Variants in LPP observed in about 807,000 individuals in gnomAD.
The protein encoded by LPP is LIM domain containing preferred translocation partner in lipoma.
In LPP, 38 loss-of-function variants were observed where a neutral mutation model predicts 60.4. The ratio of observed to expected loss-of-function variants is 0.63; its 90% CI spans 0.49 to 0.83. The LOEUF is 0.83. Among genes scored for constraint, LPP ranks in the 40% least tolerant of loss-of-function variants. The probability of loss-of-function intolerance (pLI) is 0.00; values close to 1 mark genes in which losing one functional copy is unlikely to be tolerated. For synonymous variants in LPP, 328 were observed against 290.8 expected (o/e 1.13, Z -1.30); for missense variants, 902 against 783.6 (o/e 1.15, Z -1.80).
At chr3:188,672,597 T>G (rs1259202891) in intron 7 of LPP, among the ~76,000 whole-genome samples, 1 of 152,208 alleles carries the variant, frequency 6.6e-6, no homozygotes, top group Non-Finnish European at 1.5e-5. Context: ...TGTTTCTATT[T>G]GCTGCTACCA....
At position 188,879,462 on chromosome 3, in the gene LPP, T is replaced by C; in HGVS notation, c.*4983T>C. 4.8e-6 allele frequency: 1 copy of C among 207,002 alleles called. No homozygotes were observed. Among genetic ancestry groups the C allele is most frequent in the East Asian group, 7.4e-5 (1 of 13,602 alleles). 12.8% of individuals were successfully genotyped at this position (207,002 alleles called of 1,614,324 possible). Reference sequence around the variant, plus strand: ...AATCTTCTTTTATAGGGGCATATTTTTTAGGTTGTATTTATTCGTAAAGTG... The same window carrying C: ...AATCTTCTTTTATAGGGGCATATTTCTTAGGTTGTATTTATTCGTAAAGTG... On this transcript the variant is annotated 3_prime_UTR_variant, in exon 12 of 12. Transcript: ENST00000617246.
At chr3:188,685,976 C>T (rs1003829078) in intron 7 of LPP, among the ~76,000 whole-genome samples, 1 of 152,094 alleles carries the variant, frequency 6.6e-6, no homozygotes, top group Non-Finnish European at 1.5e-5. Flanking sequence ...GTAGTCAAGG[C>T]GCTTCCCTGG....
intron 8 of LPP, among the ~76,000 whole-genome samples, chr3:188,753,369 C>A (rs550270119): frequency 6.6e-6 from 1 of 152,264 alleles, no homozygotes; most frequent in Non-Finnish European, 1.5e-5. Flanking sequence ...TGGGACTCCC[C>A]CTCCTAATTT....
chr3:188,879,379 G>T lies in LPP; in HGVS notation c.*4900G>T, dbSNP rs946224089. 4.6e-6 allele frequency: 1 copy of T among 217,408 alleles called. No homozygotes were observed. Among genetic ancestry groups the T allele is most frequent in the Non-Finnish European group, 9.2e-6 (1 of 108,184 alleles). 13.5% of individuals were successfully genotyped at this position (217,408 alleles called of 1,614,324 possible). Reference sequence around the variant, plus strand: ...TAAATCAATGCATTATGATTTTAGGGAATTATGATTATATTCATAAGGGGA... The same window carrying T: ...TAAATCAATGCATTATGATTTTAGGTAATTATGATTATATTCATAAGGGGA... On this transcript the variant is annotated 3_prime_UTR_variant, in exon 12 of 12. Coordinates refer to ENST00000617246, the MANE Select transcript of LPP (RefSeq NM_001375462.1).
chr3:188,639,249 A>G (rs1057509716), intron 7 of LPP, among the ~76,000 whole-genome samples: 1 of 151,964 alleles, frequency 6.6e-6, no homozygotes, highest in African/African-American at 2.4e-5. Flanking sequence ...AAACCTGAGA[A>G]AAACAAGCAA....
chr3:188,593,506 T>A (rs879794448), intron 6 of LPP, among the ~76,000 whole-genome samples: 11 of 152,202 alleles, frequency 7.2e-5, no homozygotes, highest in Non-Finnish European at 1.6e-4. Context: ...TAGTAAGTTC[T>A]TTAACGGACA....
chr3:188,355,462 T>C (rs1359395862), intron 3 of LPP, among the ~76,000 whole-genome samples: 1 of 152,136 alleles, frequency 6.6e-6, no homozygotes, highest in African/African-American at 2.4e-5. Flanking sequence ...TTTATAGACT[T>C]TCTGAGAAAT....
chr3:188,286,619 A>G (rs1404416268), intron 2 of LPP, among the ~76,000 whole-genome samples: 1 of 152,208 alleles, frequency 6.6e-6, no homozygotes, highest in East Asian at 1.9e-4. Context: ...TCTGAAATTT[A>G]AAATGGGCAT....
chr3:188,804,318 A>G (rs1219344328), intron 9 of LPP, among the ~76,000 whole-genome samples: 1 of 140,134 alleles, frequency 7.1e-6, no homozygotes, highest in Non-Finnish European at 1.5e-5. Context: ...AAAAGAATGG[A>G]ATCATGTCTT....
At chr3:188,321,954 T>A (rs1757079375) in intron 2 of LPP, among the ~76,000 whole-genome samples, 1 of 152,248 alleles carries the variant, frequency 6.6e-6, no homozygotes, top group Non-Finnish European at 1.5e-5. Context: ...ATTTACTTAT[T>A]GATTTAATTA....
At chr3:188,409,819 G>T (rs991904512) in intron 4 of LPP, among the ~76,000 whole-genome samples, 31 of 152,262 alleles carry the variant, frequency 2.0e-4, no homozygotes, top group African/African-American at 7.5e-4. Flanking sequence ...TAGAAATCAC[G>T]CAATCCATCT....
chr3:188,390,274 T>G (rs1327939192), intron 3 of LPP, among the ~76,000 whole-genome samples: 2 of 152,218 alleles, frequency 1.3e-5, no homozygotes, highest in Non-Finnish European at 2.9e-5. Context: ...GTCACAATTC[T>G]GATCACCATT....
intron 2 of LPP, among the ~76,000 whole-genome samples, chr3:188,268,017 ATTTTTTTTTTTT>A (rs5855185): frequency 9.8e-6 from 1 of 102,346 alleles, no homozygotes; most frequent in Non-Finnish European, 2.0e-5. Flanking sequence ...ATTTTTAAGG[ATTTTTTTTTTTT>A]TTTTTTTTTT....
At chr3:188,298,820 C>G (rs2150122319) in intron 2 of LPP, among the ~76,000 whole-genome samples, 1 of 152,258 alleles carries the variant, frequency 6.6e-6, no homozygotes, top group Non-Finnish European at 1.5e-5. Flanking sequence ...AGGCCCATTC[C>G]CATCATGAGT....
chr3:188,204,954 ATGT>A (rs778789035), intron 1 of LPP, among the ~76,000 whole-genome samples: 413 of 152,270 alleles, frequency 2.7e-3, no homozygotes, highest in Non-Finnish European at 2.7e-3. Context: ...GCTTGCTATC[ATGT>A]TGTTGGTTCA....
At chr3:188,268,397 C>T (rs1736403969) in intron 2 of LPP, among the ~76,000 whole-genome samples, 4 of 152,222 alleles carry the variant, frequency 2.6e-5, no homozygotes, top group African/African-American at 9.6e-5. Flanking sequence ...ATTGGGCAGG[C>T]CCCAAACCAG....
chr3:188,279,184 A>G (rs1267531778), intron 2 of LPP, among the ~76,000 whole-genome samples: 1 of 152,190 alleles, frequency 6.6e-6, no homozygotes, highest in Non-Finnish European at 1.5e-5. Context: ...ACAGCCATGG[A>G]ATGACTGCAG....
chr3:188,524,404 T>C (rs752020067), intron 5 of LPP, among the ~76,000 whole-genome samples: 5 of 152,234 alleles, frequency 3.3e-5, no homozygotes, highest in Admixed American at 6.5e-5. Context: ...TGTATACTTA[T>C]TTTAAACAAC....
At chr3:188,338,223 A>G (rs1762175309) in intron 2 of LPP, among the ~76,000 whole-genome samples, 1 of 152,242 alleles carries the variant, frequency 6.6e-6, no homozygotes, top group Admixed American at 6.5e-5. Context: ...AGACAACCAA[A>G]TCATAAGCTA....
Sources: allele counts gnomAD v4.1 joint callset (sites outside exome capture counted in the v4.1 genomes callset), GRCh38; gene constraint gnomAD v4.1.1; transcripts MANE v1.5; gene names NCBI Gene and HGNC (gene_info 2026-07-23, HGNC 2026-07-21).